The following COL9A3 variants were observed in gnomAD, a reference collection of about 807,000 sequenced individuals.
The protein encoded by COL9A3 is collagen type IX alpha 3 chain.
Under a neutral mutation model 110.2 loss-of-function variants are expected in COL9A3, and 82 were observed. That is an observed-to-expected ratio of 0.74 (90% CI 0.62 to 0.89). The LOEUF (loss-of-function observed/expected upper bound fraction) is 0.89. Among genes scored for constraint, COL9A3 ranks in the 40% least tolerant of loss-of-function variants. The pLI is 0.00. For synonymous variants in COL9A3, 494 were observed against 403.8 expected, an observed-to-expected ratio of 1.22 and a Z score of -2.68; for missense variants, 1,066 against 981.3, an observed-to-expected ratio of 1.09 and a Z score of -1.15.
Position 62,830,356 on chromosome 20 carries a change from C to A in COL9A3, c.1162-4C>A, listed in dbSNP as rs768927833. 4.3e-5 allele frequency: 67 copies of A among 1,570,332 alleles called. 1 individual carries two copies. In the South Asian group the frequency reaches 6.6e-4, roughly 16 times the overall value. On this transcript the variant is annotated splice_region_variant and splice_polypyrimidine_tract_variant and intron_variant, in intron 22 of 31. Transcript: ENST00000649368. ...TCCGCTCACACCTCACCTTTGTCTTCCAGGGGGCCCTCGGCCCACAAGGCC... is the reference window on the plus strand; with the variant it reads ...TCCGCTCACACCTCACCTTTGTCTTACAGGGGGCCCTCGGCCCACAAGGCC...
At chr20:62,835,573 C>G (rs1415844798) in intron 26 of COL9A3, among the ~76,000 whole-genome samples, 1 of 152,144 alleles carries the variant, frequency 6.6e-6, no homozygotes, top group Non-Finnish European at 1.5e-5. Context: ...CCTGAGGACC[C>G]AGCTGGAGGG....
chr20:62,839,333 A>G (rs1038947408), intron 31 of COL9A3, among the ~76,000 whole-genome samples: 1 of 152,224 alleles, frequency 6.6e-6, no homozygotes, highest in Non-Finnish European at 1.5e-5. Flanking sequence ...TATTTCAGTT[A>G]AAGTATAACA....
intron 5 of COL9A3, 145 bp from the exon 6 acceptor site, chr20:62,821,036 C>A: frequency 1.2e-6 from 1 of 835,698 alleles, no homozygotes; most frequent in Non-Finnish European, 2.0e-6. Context: ...GTCAAGAGGG[C>A]TCAGAGGCCC....
intron 13 of COL9A3, 25 bp from the exon 14 acceptor site, chr20:62,826,179 C>T (rs1050349444): frequency 7.1e-6 from 11 of 1,553,330 alleles, no homozygotes; most frequent in African/African-American, 6.8e-5. Context: ...GCCCCAGCCT[C>T]TGCATCTGTG....
intron 31 of COL9A3, 73 bp from the exon 32 acceptor site, chr20:62,840,469 C>A: frequency 7.2e-7 from 1 of 1,382,764 alleles, no homozygotes. Context: ...AGGGCTTGCC[C>A]ACAGCTGGAT....
chr20:62,836,197 G>T lies in COL9A3; in HGVS notation c.1412G>T (p.Arg471Leu), dbSNP rs1440423945. 3 of 1,613,284 alleles carry T rather than the reference G, an allele frequency of 1.9e-6. No homozygotes were observed. The highest frequency in any genetic ancestry group is 1.3e-5 in the African/African-American group (1 of 74,938). The change falls in exon 28 of 32, where the codon CGA (arginine) becomes CTA (leucine). Residue 471 changes from arginine to leucine, a missense_variant. By Grantham distance (102) the Arg-to-Leu change is moderately radical. Transcript: ENST00000649368. ...LVGPKGESGS[R>L]GELGPKGTQG... ...TCTGTTCCTCTGCAGTCTGGCAGTCGAGGGGAGCTGGGCCCCAAAGGCACC... is the reference window on the plus strand; with the variant it reads ...TCTGTTCCTCTGCAGTCTGGCAGTCTAGGGGAGCTGGGCCCCAAAGGCACC...
At chr20:62,837,680 G>A (rs932271214) in intron 30 of COL9A3, among the ~76,000 whole-genome samples, 10 of 151,978 alleles carry the variant, frequency 6.6e-5, no homozygotes, top group Non-Finnish European at 7.4e-5. Flanking sequence ...GGTGGCACAC[G>A]CCTGTAATCC....
Position 62,828,786 on chromosome 20 carries a change from A to G in COL9A3, c.923A>G (p.Gln308Arg). 6.2e-7 allele frequency: 1 copy of G among 1,612,878 alleles called. No individual in the cohort carries two copies. The highest frequency in any genetic ancestry group is 8.5e-7 in the Non-Finnish European group (1 of 1,179,938). ...GEPGMPGKDGQNGVPGLDGQK... is the reference protein window; with the variant it reads ...GEPGMPGKDGRNGVPGLDGQK... Reference sequence around the variant, plus strand: ...CAGGGCATGCCGGGCAAGGACGGCCAGAATGGCGTGCCAGGACTCGATGGC... The same window carrying G: ...CAGGGCATGCCGGGCAAGGACGGCCGGAATGGCGTGCCAGGACTCGATGGC... Residue 308 changes from glutamine to arginine, a missense_variant, in exon 18 of 32, where the codon CAG (glutamine) becomes CGG (arginine). Gln to Arg is a conservative substitution (Grantham distance 43). Transcript: ENST00000649368.
chr20:62,840,246 A>T (rs1600815022), intron 31 of COL9A3, among the ~76,000 whole-genome samples: 1 of 133,644 alleles, frequency 7.5e-6, no homozygotes, highest in Non-Finnish European at 1.6e-5. Context: ...CTCCAAATCC[A>T]CTCCTTACTC....
intron 11 of COL9A3, 131 bp from the exon 12 acceptor site, chr20:62,824,837 A>G: frequency 9.9e-7 from 1 of 1,006,808 alleles, no homozygotes; most frequent in Non-Finnish European, 1.5e-6. Flanking sequence ...ATGAGGGCCC[A>G]GACCCGCGGT....
intron 16 of COL9A3, 139 bp downstream of exon 16, chr20:62,827,433 G>A (rs2063563274): frequency 1.2e-6 from 1 of 863,616 alleles, no homozygotes; most frequent in Non-Finnish European, 1.8e-6. Flanking sequence ...GTGCGTGGGG[G>A]TGAGCCTGAC....
At chr20:62,838,994 G>A (rs543368060) in intron 31 of COL9A3, among the ~76,000 whole-genome samples, 163 of 152,268 alleles carry the variant, frequency 1.1e-3, no homozygotes, top group Non-Finnish European at 1.7e-3. Flanking sequence ...GGAGGCTGAG[G>A]CAGACGGATA....
At chr20:62,822,298 C>G (rs1453231935) in intron 9 of COL9A3, 134 bp downstream of exon 9, 1 of 738,270 alleles carries the variant, frequency 1.4e-6, no homozygotes, top group African/African-American at 1.7e-5. Context: ...CTCCCAGGAA[C>G]AGTCAATGGT....
intron 22 of COL9A3, 110 bp downstream of exon 22, chr20:62,829,929 C>T: frequency 1.5e-6 from 2 of 1,352,410 alleles, no homozygotes; most frequent in Non-Finnish European, 2.0e-6. Context: ...ATGGGCCAGG[C>T]CCACAAAAGC....
At chr20:62,819,105 G>A in intron 3 of COL9A3, 117 bp from the exon 4 acceptor site, 3 of 1,016,124 alleles carry the variant, frequency 3.0e-6, no homozygotes, top group African/African-American at 1.6e-5. Flanking sequence ...CCCAGGAGAG[G>A]GGCCCATCCC....
At chr20:62,825,915 C>T (rs2063548719) in intron 13 of COL9A3, 45 bp downstream of exon 13, 1 of 1,540,130 alleles carries the variant, frequency 6.5e-7, no homozygotes, top group Admixed American at 2.0e-5. Flanking sequence ...GAACTCAGCC[C>T]ACAGAGTGAT....
rs971951794 is a variant in COL9A3, at chr20:62,817,622, A to C, written c.134A>C (p.Gln45Pro). 1 of 1,544,720 alleles carries C rather than the reference A, an allele frequency of 6.5e-7. No homozygotes were observed. The highest frequency in any genetic ancestry group is 8.7e-7 in the Non-Finnish European group (1 of 1,144,228). Reference protein sequence around the residue: ...GPPGPPGKPGQDGIDGEAGPP... With the variant: ...GPPGPPGKPGPDGIDGEAGPP... ...CCAGGGCCGCCCGGGAAGCCCGGCC[A>C]GGACGGCATTGACGTGAGTTTGGGG... is the stretch of plus-strand genomic sequence containing the variant. Residue 45 changes from glutamine to proline, a missense_variant, in exon 2 of 32, where the codon CAG (glutamine) becomes CCG (proline). Coordinates refer to ENST00000649368, the MANE Select transcript of COL9A3 (RefSeq NM_001853.4).
chr20:62,837,704 G>C (rs1357911280), intron 30 of COL9A3, among the ~76,000 whole-genome samples: 1 of 152,166 alleles, frequency 6.6e-6, no homozygotes, highest in Non-Finnish European at 1.5e-5. Context: ...CTACTCAGGA[G>C]GCTGAGGCAG....
intron 19 of COL9A3, among the ~76,000 whole-genome samples, 160 bp downstream of exon 19, chr20:62,829,136 T>C (rs548807613): frequency 6.6e-6 from 1 of 152,180 alleles, no homozygotes; most frequent in Non-Finnish European, 1.5e-5. Flanking sequence ...TGGTGCCCAG[T>C]GGGTGCTGTG....
Sources: gnomAD v4.1 joint callset for allele counts (sites outside exome capture counted in the v4.1 genomes callset) on GRCh38, gnomAD v4.1.1 for gene constraint, MANE v1.5 for transcripts, NCBI Gene and HGNC (gene_info 2026-07-23, HGNC 2026-07-21) for gene names.